Variants in TJP1 observed in about 807,000 individuals in gnomAD.
The protein encoded by TJP1 is tight junction protein ZO-1.
In TJP1, 43 loss-of-function variants were observed where a neutral mutation model predicts 194.2. The observed-to-expected ratio is 0.22, with a 90% confidence interval of 0.17 to 0.29. TJP1 has a LOEUF of 0.29. TJP1 is among the 10% of genes least tolerant of loss of function. TJP1 has a pLI of 1.00. For synonymous variants in TJP1, 801 were observed against 779.0 expected, an observed-to-expected ratio of 1.03 and a Z score of -0.47; for missense variants, 1,971 against 2,185.7, an observed-to-expected ratio of 0.90 and a Z score of 1.96.
At position 29,837,989 on chromosome 15, in the gene TJP1, G is replaced by A. The variant is rs79898570; in HGVS notation, c.307-37287C>T. Among the ~76,000 whole-genome samples the A allele has an allele frequency of 7.6e-3, 1,153 of 152,306 alleles. 13 individuals carry two copies. Among genetic ancestry groups the A allele is most frequent in the African/African-American group, 0.027 (1,110 of 41,564 alleles). On this transcript the variant is annotated intron_variant, in intron 2 of 28. Coordinates refer to the TJP1 transcript ENST00000356107. The stretch of plus-strand genomic sequence containing the variant: ...TAGCAAGAATAGGATTTTAGACTTA[G>A]GAGGATTCATTTCCAGCTCTCCAAA...
chr15:29,810,612 C>T lies in TJP1; in HGVS notation c.28-9910G>A, dbSNP rs138935855. Reference sequence around the variant, plus strand: ...ACAGCATTGAAAAGGCAACTCTTGTCTAGAAGGGGTAACAGATACTAATCA... The same window carrying T: ...ACAGCATTGAAAAGGCAACTCTTGTTTAGAAGGGGTAACAGATACTAATCA... On this transcript the variant is annotated intron_variant, in intron 1 of 27. Coordinates refer to ENST00000614355, the MANE Select transcript of TJP1 (RefSeq NM_001330239.4). Among the ~76,000 whole-genome samples the T allele has an allele frequency of 7.7e-4, 117 of 152,244 alleles. 1 individual carries two copies. In the East Asian group the frequency reaches 0.02, roughly 26 times the overall value.
intron 2 of TJP1, among the ~76,000 whole-genome samples, chr15:29,777,896 T>C (rs1341813046): frequency 6.6e-6 from 1 of 152,206 alleles, no homozygotes; most frequent in Non-Finnish European, 1.5e-5. Context: ...TCCCTTTTTT[T>C]CTCCTTCAAA....
At chr15:29,859,134 A>G (rs1199422171) in intron 2 of TJP1, among the ~76,000 whole-genome samples, 1 of 152,236 alleles carries the variant, frequency 6.6e-6, no homozygotes, top group African/African-American at 2.4e-5. Flanking sequence ...ACAAGGAAAA[A>G]GTATGTTATT....
At chr15:29,754,171 T>C (rs1419390893) in intron 8 of TJP1, among the ~76,000 whole-genome samples, 3 of 152,184 alleles carry the variant, frequency 2.0e-5, no homozygotes, top group Middle Eastern at 3.2e-3. Flanking sequence ...ATGTGGTACA[T>C]ATACACCATG....
chr15:29,864,975 TCTTC>T (rs2052250708), intron 2 of TJP1, among the ~76,000 whole-genome samples: 1 of 152,212 alleles, frequency 6.6e-6, no homozygotes, highest in Non-Finnish European at 1.5e-5. Flanking sequence ...AGCTAAATTT[TCTTC>T]TTCTGTGGGA....
chr15:29,950,185 C>CACA (rs1421168978), intron 2 of TJP1, among the ~76,000 whole-genome samples: 2 of 120,488 alleles, frequency 1.7e-5, no homozygotes, highest in Non-Finnish European at 3.6e-5. Flanking sequence ...CCTCCACCTC[C>CACA]ACCACCACCA....
At chr15:29,865,216 G>A (rs1219750864) in intron 2 of TJP1, among the ~76,000 whole-genome samples, 1 of 152,146 alleles carries the variant, frequency 6.6e-6, no homozygotes, top group South Asian at 2.1e-4. Context: ...CTGATAAGAC[G>A]AGAATTACTC....
At chr15:29,782,180 G>A (rs1171497421) in intron 2 of TJP1, among the ~76,000 whole-genome samples, 1 of 151,948 alleles carries the variant, frequency 6.6e-6, no homozygotes, top group East Asian at 1.9e-4. Context: ...ACCAACAACA[G>A]CCAAGAGCCA....
chr15:29,833,946 A>C (rs2337175), intron 2 of TJP1, among the ~76,000 whole-genome samples: 1 of 83,800 alleles, frequency 1.2e-5, no homozygotes, highest in Non-Finnish European at 2.3e-5. Flanking sequence ...GCAGTGGCGC[A>C]ATCTCGGCTC....
intron 1 of TJP1, among the ~76,000 whole-genome samples, chr15:29,807,527 AAG>A (rs1019313377): frequency 2.6e-5 from 4 of 152,214 alleles, no homozygotes; most frequent in Admixed American, 6.5e-5. Context: ...AGCAGAGATG[AAG>A]AGAGAGTGAC....
At chr15:29,711,304 A>G (rs892169550) in intron 23 of TJP1, among the ~76,000 whole-genome samples, 1 of 152,204 alleles carries the variant, frequency 6.6e-6, no homozygotes, top group African/African-American at 2.4e-5. Context: ...AGTAATGTTG[A>G]CAGATTTAAG....
At chr15:29,911,477 G>A (rs1228685969) in intron 2 of TJP1, among the ~76,000 whole-genome samples, 6 of 152,188 alleles carry the variant, frequency 3.9e-5, no homozygotes, top group Admixed American at 3.9e-4. Flanking sequence ...ATGGTTCCAT[G>A]GGCTGTACAG....
At chr15:29,912,799 T>C (rs990707976) in intron 2 of TJP1, among the ~76,000 whole-genome samples, 5 of 151,780 alleles carry the variant, frequency 3.3e-5, no homozygotes, top group African/African-American at 9.7e-5. Flanking sequence ...ACATAACTTA[T>C]TGCACTTATC....
intron 2 of TJP1, among the ~76,000 whole-genome samples, chr15:29,783,181 G>A (rs1234355590): frequency 6.6e-6 from 1 of 152,132 alleles, no homozygotes; most frequent in African/African-American, 2.4e-5. Context: ...GGCTGAGGCA[G>A]GAGAATCGTT....
At chr15:29,743,911 T>C (rs557097959) in intron 8 of TJP1, among the ~76,000 whole-genome samples, 24 of 152,328 alleles carry the variant, frequency 1.6e-4, no homozygotes, top group African/African-American at 5.3e-4. Flanking sequence ...CCGGGCACAG[T>C]AGCTCATGCC....
chr15:29,718,143 A>C, intron 21 of TJP1, 25 bp from the exon 22 acceptor site: 1 of 1,571,140 alleles, frequency 6.4e-7, no homozygotes, highest in South Asian at 1.2e-5. Flanking sequence ...AAAAAAAAAA[A>C]AGACAAATAT....
At chr15:29,905,521 T>C (rs556838310) in intron 2 of TJP1, among the ~76,000 whole-genome samples, 2 of 152,342 alleles carry the variant, frequency 1.3e-5, no homozygotes, top group African/African-American at 4.8e-5. Context: ...TTTATCCAAA[T>C]GAGTCGAAAA....
At chr15:29,890,853 A>G (rs954743223) in intron 2 of TJP1, among the ~76,000 whole-genome samples, 1 of 152,184 alleles carries the variant, frequency 6.6e-6, no homozygotes, top group Non-Finnish European at 1.5e-5. Flanking sequence ...AGTGAAAGCT[A>G]TAAATAAGAG....
intron 11 of TJP1, among the ~76,000 whole-genome samples, chr15:29,735,683 T>G (rs1437108355): frequency 6.6e-6 from 1 of 152,162 alleles, no homozygotes; most frequent in African/African-American, 2.4e-5. Context: ...AATAGGTCTC[T>G]TTACTTTCCT....
Sources: gnomAD v4.1 joint callset for allele counts (sites outside exome capture counted in the v4.1 genomes callset) on GRCh38, gnomAD v4.1.1 for gene constraint, MANE v1.5 for transcripts, NCBI Gene and HGNC (gene_info 2026-07-23, HGNC 2026-07-21) for gene names.